The following DACT2 variants were observed in gnomAD, a reference collection of about 807,000 sequenced individuals.
DACT2 encodes dapper homolog 2.
DACT2 carries 20 observed loss-of-function variants against 22.2 expected under a neutral mutation model. That is an observed-to-expected ratio of 0.90 (90% CI 0.63 to 1.31). The LOEUF is 1.31. Ranked by LOEUF, DACT2 falls within the 50% of genes most tolerant of loss-of-function variation. The probability of loss-of-function intolerance (pLI) is 0.00; values close to 1 mark genes in which losing one functional copy is unlikely to be tolerated. For missense variants in DACT2, 1,048 were observed against 1,061.4 expected (o/e 0.99, Z 0.18); for synonymous variants, 463 against 479.8 (o/e 0.96, Z 0.46).
At position 168,307,841 on chromosome 6, in the gene DACT2, G is replaced by T; in HGVS notation, c.1916C>A (p.Ala639Glu). 1.3e-6 allele frequency: 2 copies of T among 1,538,074 alleles called. No homozygotes were observed. Among genetic ancestry groups the T allele is most frequent in the Non-Finnish European group, 1.7e-6 (2 of 1,145,042 alleles). The change falls in exon 4 of 4, where the codon GCA (alanine) becomes GAA (glutamate). Residue 639 changes from alanine (A) to glutamate (E), a missense_variant. Coordinates refer to ENST00000366795, the MANE Select transcript of DACT2 (RefSeq NM_214462.5). This position sits in a 1 kb window ranked among gnomAD's most constrained non-coding sequence, Gnocchi z 5.3. Reference protein sequence around the residue: ...LGPPRPVARRAGGPLARGRPS... With the variant: ...LGPPRPVARREGGPLARGRPS... Reference sequence around the variant, plus strand: ...ACGGCCCCGGGCCAGTGGGCCACCTGCTCTCCTGGCCACGGGCCTGGGGGG... The same window carrying T: ...ACGGCCCCGGGCCAGTGGGCCACCTTCTCTCCTGGCCACGGGCCTGGGGGG...
downstream of DACT2, chr6:168,302,083 G>A (rs73034306): frequency 0.068 from 10,402 of 152,674 alleles, 522 homozygotes; most frequent in Non-Finnish European, 0.1. Flanking sequence ...TTACCTCTAA[G>A]CTTTTACAGA....
chr6:168,310,045 C>T, intron 3 of DACT2, 123 bp downstream of exon 3: 2 of 1,419,462 alleles, frequency 1.4e-6, no homozygotes, highest in Non-Finnish European at 9.3e-7. Flanking sequence ...CTTCCAGCGT[C>T]CCTTAGAGCC....
chr6:168,311,516 A>T (rs1299237979), intron 1 of DACT2, among the ~76,000 whole-genome samples: 15 of 150,430 alleles, frequency 1.0e-4, no homozygotes, highest in African/African-American at 3.4e-4. Context: ...ACATACACAC[A>T]CACAAACACA....
downstream of DACT2, among the ~76,000 whole-genome samples, chr6:168,306,673 A>G (rs59468907): frequency 0.019 from 2,872 of 149,522 alleles, 90 homozygotes; most frequent in African/African-American, 0.068. Flanking sequence ...GATGGTCTTG[A>G]TCTTCTGACT....
Position 168,310,261 on chromosome 6 carries a change from G to A in DACT2, c.565C>T (p.Pro189Ser), listed in dbSNP as rs1779361550. ...VDETTVPAWR[P>S]QATEEGARPP... ...CTGGCGCCCTCCTCGGTAGCCTGGG[G>A]TCTCCACGCTGGCACAGTAGTCTCA... Residue 189 changes from proline to serine, a missense_variant, in exon 3 of 4, where the codon CCC becomes TCC. Coordinates refer to ENST00000366795, the MANE Select transcript of DACT2 (RefSeq NM_214462.5). The A allele has an allele frequency of 6.4e-7, 1 of 1,551,418 alleles. No individual in the cohort carries two copies. Among genetic ancestry groups the A allele is most frequent in the Non-Finnish European group, 8.7e-7 (1 of 1,146,996 alleles).
Position 168,311,303 on chromosome 6 carries a change from G to T in DACT2, c.247-19C>A. The T allele has an allele frequency of 6.5e-7, 1 of 1,535,436 alleles. No homozygotes were observed. Among genetic ancestry groups the T allele is most frequent in the Non-Finnish European group, 8.8e-7 (1 of 1,133,710 alleles). ...GCCGGGACTGAGAAGGGAAAGAAGA[G>T]AAAGGGAACTGTTGTACCTATGGAA... On this transcript the variant is annotated intron_variant, in intron 1 of 3. Coordinates refer to ENST00000366795, the MANE Select transcript of DACT2 (RefSeq NM_214462.5).
chr6:168,314,211 A>G (rs1045926522), intron 1 of DACT2, among the ~76,000 whole-genome samples: 1 of 152,238 alleles, frequency 6.6e-6, no homozygotes, highest in Non-Finnish European at 1.5e-5. Flanking sequence ...CCACAGCAGC[A>G]AGCGAGCCCT....
chr6:168,319,635 T>G lies in DACT2; in HGVS notation c.-2A>C. The G allele has an allele frequency of 7.8e-7, 1 of 1,274,880 alleles. No homozygotes were observed. Among genetic ancestry groups the G allele is most frequent in the Non-Finnish European group, 9.9e-7 (1 of 1,008,802 alleles). The allele number at this position is 1,274,880 out of a possible 1,614,324, so 79.0% of individuals were successfully genotyped here. The stretch of plus-strand genomic sequence containing the variant: ...CGGGGGTCCGCCCGGCGTCCACATC[T>G]CCCGGGCAGGGTCCCGGCCTCCCGA... On this transcript the variant is annotated 5_prime_UTR_variant, in exon 1 of 4. Transcript: ENST00000366795.
At chr6:168,297,281 A>C (rs1249646036) in intron 3 of DACT2, among the ~76,000 whole-genome samples, 1 of 152,178 alleles carries the variant, frequency 6.6e-6, no homozygotes, top group South Asian at 2.1e-4. Flanking sequence ...CAGGGGGATG[A>C]AGTTTGCCAA....
At position 168,307,991 on chromosome 6, in the gene DACT2, G is replaced by A; in HGVS notation, c.1766C>T (p.Ala589Val). 3 of 1,551,192 alleles carry A rather than the reference G, an allele frequency of 1.9e-6. No individual in the cohort carries two copies. The highest frequency in any genetic ancestry group is 8.7e-7 in the Non-Finnish European group (1 of 1,146,854). ...CAGTGACGCCTCAAAGGGGAACAGG[G>A]CTTGGGCTGAGGTCCGGTGGCTCTC... ...PQESHRTSAQ[A>V]LFPFEASLLT... The change falls in exon 4 of 4, where the codon GCC (alanine) becomes GTC (valine). Residue 589 changes from alanine to valine, a missense_variant. Coordinates refer to ENST00000366795, the MANE Select transcript of DACT2 (RefSeq NM_214462.5). This position sits in a 1 kb window ranked among gnomAD's most constrained non-coding sequence, Gnocchi z 5.3.
intron 1 of DACT2, among the ~76,000 whole-genome samples, chr6:168,313,394 G>A (rs568146892): frequency 1.2e-3 from 190 of 152,266 alleles, no homozygotes; most frequent in African/African-American, 4.5e-3. Flanking sequence ...AACCAATCCT[G>A]AATTTAATCA....
At chr6:168,293,384 C>A (rs746733004) in exon 6 of DACT2, 1 of 153,304 alleles carries the variant, frequency 6.5e-6, no homozygotes, top group South Asian at 2.0e-4. Flanking sequence ...TAAACTGGAA[C>A]TTTTCCTAGC....
In DACT2 at chr6:168,319,326, G is replaced by A. The variant is rs553197169; in HGVS notation, c.246+62C>T. ...GTCCCACTAACACACAGTCGCTGCCGAAGGAGCAGCGCCTGTGGCCCGCAC... is the reference window on the plus strand; with the variant it reads ...GTCCCACTAACACACAGTCGCTGCCAAAGGAGCAGCGCCTGTGGCCCGCAC... On this transcript the variant is annotated intron_variant, in intron 1 of 3. Coordinates refer to ENST00000366795, the MANE Select transcript of DACT2 (RefSeq NM_214462.5). 1.1e-5 allele frequency: 13 copies of A among 1,172,628 alleles called. No individual in the cohort carries two copies. In the South Asian group the frequency reaches 3.9e-4, roughly 35 times the overall value. 72.6% of individuals were successfully genotyped at this position (1,172,628 alleles called of 1,614,324 possible). A position where few individuals can be genotyped will look rare whatever the true frequency, so the allele number is the denominator to read the frequency against.
chr6:168,294,544 AAT>A (rs199631528), intron 4 of DACT2: 16 of 789,662 alleles, frequency 2.0e-5, no homozygotes, highest in Admixed American at 3.5e-5. Flanking sequence ...AGTATAATAA[AAT>A]ATGTGTGTGT....
intron 1 of DACT2, among the ~76,000 whole-genome samples, chr6:168,313,959 A>G (rs994538596): frequency 9.2e-5 from 14 of 152,102 alleles, no homozygotes; most frequent in Non-Finnish European, 1.3e-4. Context: ...GGTCCCGTCT[A>G]CGTCTGCAGG....
At chr6:168,312,968 A>T (rs1010059858) in intron 1 of DACT2, among the ~76,000 whole-genome samples, 4 of 152,222 alleles carry the variant, frequency 2.6e-5, no homozygotes, top group Non-Finnish European at 5.9e-5. Flanking sequence ...CTTCTGTGCC[A>T]GGAGCAGACC....
At chr6:168,311,328 A>T in intron 1 of DACT2, 44 bp from the exon 2 acceptor site, 1 of 1,501,602 alleles carries the variant, frequency 6.7e-7, no homozygotes, top group South Asian at 1.3e-5. Context: ...TACCTATGGA[A>T]AGCAAAACTT....
chr6:168,297,426 C>G (rs544303309), intron 3 of DACT2, among the ~76,000 whole-genome samples: 1 of 152,214 alleles, frequency 6.6e-6, no homozygotes, highest in South Asian at 2.1e-4. Flanking sequence ...AGAGGCACAG[C>G]TTGAGAAGGA....
At chr6:168,309,280 G>A (rs1322087497) in intron 3 of DACT2, among the ~76,000 whole-genome samples, 182 bp from the exon 4 acceptor site, 5 of 152,106 alleles carry the variant, frequency 3.3e-5, no homozygotes, top group East Asian at 1.9e-4. Flanking sequence ...CACAGGGCGC[G>A]GGGCAGACGG....
Sources: gnomAD v4.1 joint callset for allele counts (sites outside exome capture counted in the v4.1 genomes callset) on GRCh38, gnomAD v4.1.1 for gene constraint, Gnocchi (gnomAD v3.1) non-coding constraint, MANE v1.5 for transcripts, NCBI Gene and HGNC (gene_info 2026-07-23, HGNC 2026-07-21) for gene names.